DOK6: variants seen among roughly 807,000 people sequenced by gnomAD.
DOK6 encodes docking protein 6, also known as downstream of tyrosine kinase 6.
Under a neutral mutation model 44.0 loss-of-function variants are expected in DOK6, and 22 were observed. That is an observed-to-expected ratio of 0.50 (90% CI 0.36 to 0.71). DOK6 has a LOEUF of 0.71. Ranked by LOEUF, DOK6 falls within the 30% of genes least tolerant of loss-of-function variation. DOK6 has a pLI of 0.00. For missense variants in DOK6, 340 were observed against 416.4 expected (o/e 0.82, Z 1.60); for synonymous variants, 166 against 145.5 (o/e 1.14, Z -1.01).
intron 7 of DOK6, among the ~76,000 whole-genome samples, chr18:69,840,522 T>C (rs1260424274): frequency 6.6e-6 from 1 of 152,222 alleles, no homozygotes. Flanking sequence ...TCACTTCTGT[T>C]TTCGGTTTGC....
chr18:69,469,306 TTAAA>T (rs1355412750), intron 1 of DOK6, among the ~76,000 whole-genome samples: 1 of 152,158 alleles, frequency 6.6e-6, no homozygotes, highest in African/African-American at 2.4e-5. Flanking sequence ...TTATACAAGT[TTAAA>T]TAAGAATGCT....
At chr18:69,671,706 T>G (rs6566436) in intron 3 of DOK6, among the ~76,000 whole-genome samples, 122,248 of 152,160 alleles carry the variant, frequency 0.8, 49,267 homozygotes, top group East Asian at 0.97. Flanking sequence ...CTACTTAAAT[T>G]GAGACAATAG....
At chr18:69,699,646 A>C (rs1241934729) in intron 5 of DOK6, among the ~76,000 whole-genome samples, 1 of 152,176 alleles carries the variant, frequency 6.6e-6, no homozygotes, top group Non-Finnish European at 1.5e-5. Flanking sequence ...AGATATTGAG[A>C]GTGCAATAGT....
intron 1 of DOK6, among the ~76,000 whole-genome samples, chr18:69,416,169 GGAAGGAAGGAAC>G (rs148065072): frequency 0.9 from 118,292 of 132,082 alleles, 52,692 homozygotes; most frequent in East Asian, 0.97. Context: ...AAGGAAGGAA[GGAAGGAAGGAAC>G]GAAGGAAGGA....
intron 7 of DOK6, among the ~76,000 whole-genome samples, chr18:69,772,804 C>T (rs1161076501): frequency 2.0e-5 from 3 of 151,898 alleles, no homozygotes; most frequent in African/African-American, 7.3e-5. Context: ...AATCTGACAC[C>T]AAAAGCACAG....
rs1462106106 is a variant in DOK6, at chr18:69,842,636, A to C, written c.*1253A>C. On this transcript the variant is annotated 3_prime_UTR_variant, in exon 8 of 8. Transcript: ENST00000382713. ...TGTCTGAGATTATAAGAAATAAAAT[A>C]GATCAATAATTTTCATCATCCCTGA... The C allele has an allele frequency of 6.6e-6, 1 of 152,236 alleles. No individual in the cohort carries two copies. Among genetic ancestry groups the C allele is most frequent in the Non-Finnish European group, 1.5e-5 (1 of 68,048 alleles). The allele number at this position is 152,236 out of a possible 1,614,324, so 9.4% of individuals were successfully genotyped here.
At chr18:69,644,900 C>A (rs997084940) in intron 3 of DOK6, among the ~76,000 whole-genome samples, 16 of 152,154 alleles carry the variant, frequency 1.1e-4, no homozygotes, top group African/African-American at 3.9e-4. Context: ...TGCATATTTC[C>A]TTTTCTTAGA....
chr18:69,768,615 C>T (rs937877171), intron 7 of DOK6, among the ~76,000 whole-genome samples: 4 of 148,716 alleles, frequency 2.7e-5, no homozygotes, highest in Admixed American at 6.8e-5. Flanking sequence ...TTTTCCTCTG[C>T]GGGCCAAGCA....
intron 7 of DOK6, among the ~76,000 whole-genome samples, chr18:69,814,411 G>A (rs554813445): frequency 9.2e-5 from 14 of 152,226 alleles, no homozygotes; most frequent in Non-Finnish European, 1.9e-4. Context: ...GGTCCCATCT[G>A]GAGGTGATGG....
chr18:69,726,867 A>T (rs1239019599), intron 5 of DOK6, among the ~76,000 whole-genome samples: 2 of 151,390 alleles, frequency 1.3e-5, no homozygotes, highest in Admixed American at 1.3e-4. Flanking sequence ...AAAAAAAAAA[A>T]AAATTGAGAC....
chr18:69,694,058 CAAAAAAAAAAAAAAAAAAA>C lies in DOK6; in HGVS notation c.410-4332_410-4314del, dbSNP rs60662789. On this transcript the variant is annotated intron_variant, in intron 4 of 7. Coordinates refer to ENST00000382713, the MANE Select transcript of DOK6 (RefSeq NM_152721.6). ...TGGGCGACAGAGCGAGACTCCGTGT[CAAAAAAAAAAAAAAAAAAA>C]AAAAAAAAAAAAATTGATCTATTTA... Among the ~76,000 whole-genome samples, 34 of 62,002 alleles carry C rather than the reference CAAAAAAAAAAAAAAAAAAA, an allele frequency of 5.5e-4. 1 individual carries two copies. Among genetic ancestry groups the C allele is most frequent in the African/African-American group, 2.0e-3 (33 of 16,216 alleles). 40.7% of individuals were successfully genotyped at this position (62,002 alleles called of 152,430 possible). A position where few individuals can be genotyped will look rare whatever the true frequency, so the allele number is the denominator to read the frequency against.
At chr18:69,496,493 T>C (rs914846644) in intron 1 of DOK6, among the ~76,000 whole-genome samples, 1 of 152,216 alleles carries the variant, frequency 6.6e-6, no homozygotes, top group African/African-American at 2.4e-5. Context: ...TGCTATCTCG[T>C]TCAGCTATTT....
At position 69,778,881 on chromosome 18, in the gene DOK6, T is replaced by C. The variant is rs145053463; in HGVS notation, c.856+21008T>C. ...TGTTAGTATGTTTCCCTTGTTTGTT[T>C]TTAGACATGGAACTTTAAACTCCAG... On this transcript the variant is annotated intron_variant, in intron 7 of 7. Transcript: ENST00000382713. Among the ~76,000 whole-genome samples, 811 of 152,284 alleles carry C rather than the reference T, an allele frequency of 5.3e-3. 4 individuals carry two copies. Among genetic ancestry groups the C allele is most frequent in the Non-Finnish European group, 8.6e-3 (584 of 68,020 alleles).
chr18:69,621,643 G>A (rs1984441729), intron 3 of DOK6, among the ~76,000 whole-genome samples: 2 of 152,146 alleles, frequency 1.3e-5, no homozygotes, highest in Admixed American at 1.3e-4. Flanking sequence ...ATTCACAATG[G>A]TTGGTGATCT....
intron 7 of DOK6, among the ~76,000 whole-genome samples, chr18:69,830,973 G>A (rs1981884985): frequency 1.3e-5 from 2 of 152,150 alleles, no homozygotes; most frequent in South Asian, 4.1e-4. Flanking sequence ...ATGTGTATGA[G>A]TAAGGGTTTT....
chr18:69,642,757 A>G (rs1396344310), intron 3 of DOK6, among the ~76,000 whole-genome samples: 1 of 152,206 alleles, frequency 6.6e-6, no homozygotes, highest in East Asian at 1.9e-4. Context: ...ACGAGAAGGT[A>G]CACGATGCCA....
intron 6 of DOK6, among the ~76,000 whole-genome samples, chr18:69,740,182 A>C (rs78990001): frequency 0.036 from 5,436 of 152,260 alleles, 145 homozygotes; most frequent in East Asian, 0.087. Flanking sequence ...TTGTAGGATG[A>C]TTAGGATGAG....
intron 6 of DOK6, among the ~76,000 whole-genome samples, chr18:69,747,620 G>C (rs1274380913): frequency 6.7e-6 from 1 of 149,864 alleles, no homozygotes; most frequent in South Asian, 2.1e-4. Flanking sequence ...GAAGATATCA[G>C]CATCAAAGTC....
chr18:69,593,417 C>T (rs1272217683), intron 2 of DOK6, among the ~76,000 whole-genome samples: 1 of 151,816 alleles, frequency 6.6e-6, no homozygotes, highest in Non-Finnish European at 1.5e-5. Context: ...ATTTGATACT[C>T]TTCATTATAT....
Sources: gnomAD v4.1 joint callset for allele counts (sites outside exome capture counted in the v4.1 genomes callset) on GRCh38, gnomAD v4.1.1 for gene constraint, MANE v1.5 for transcripts, NCBI Gene and HGNC (gene_info 2026-07-23, HGNC 2026-07-21) for gene names.